The following SPG11 variants were observed in gnomAD, a reference collection of about 807,000 sequenced individuals.
SPG11 encodes the protein SPG11 vesicle trafficking associated, spatacsin, also known as spatacsin.
A neutral mutation model predicts 274.0 loss-of-function variants in SPG11; 222 were observed. That is an observed-to-expected ratio of 0.81 (90% CI 0.73 to 0.91). The LOEUF is 0.91. SPG11 is among the 40% of genes least tolerant of loss of function. SPG11 has a pLI of 0.00. For missense variants in SPG11, 3,114 were observed against 2,872.7 expected (o/e 1.08, Z -1.92); for synonymous variants, 1,144 against 1,039.7 (o/e 1.10, Z -1.93).
At chr15:44,607,594 T>C (rs996494835) in intron 19 of SPG11, among the ~76,000 whole-genome samples, 7 of 152,110 alleles carry the variant, frequency 4.6e-5, no homozygotes, top group African/African-American at 1.7e-4. Flanking sequence ...AAACCTTACG[T>C]TGAGTTGAAG....
Position 44,595,462 on chromosome 15 carries a change from G to C in SPG11, c.4435-3C>G. ...AGACAAGAAATGGCACTGGCACCCT[G>C]CCACGGGATAAATAAAATAACAACT... On this transcript the variant is annotated splice_polypyrimidine_tract_variant and splice_region_variant and intron_variant, in intron 25 of 39. Coordinates refer to ENST00000261866, the MANE Select transcript of SPG11 (RefSeq NM_025137.4). 6.2e-7 allele frequency: 1 copy of C among 1,613,924 alleles called. No individual in the cohort carries two copies. The highest frequency in any genetic ancestry group is 8.5e-7 in the Non-Finnish European group (1 of 1,179,850).
chr15:44,628,784 C>A lies in SPG11; in HGVS notation c.1952G>T (p.Arg651Leu). The A allele has an allele frequency of 6.2e-7, 1 of 1,613,588 alleles. No homozygotes were observed. The highest frequency in any genetic ancestry group is 8.5e-7 in the Non-Finnish European group (1 of 1,179,876). Residue 651 changes from arginine (R) to leucine (L), a missense_variant, in exon 10 of 40, where the codon CGA becomes CTA. Arg to Leu is a moderately radical substitution (Grantham distance 102). Transcript: ENST00000261866. ...NILTSYINEL[R>L]TFMIKFPWKL... ...CCAAGGAAACTTTATCATGAAGGTT[C>A]GAAGTTCATTAATGTAGCTAGTCAA...
chr15:44,588,165 A>G (rs990038068), intron 28 of SPG11, among the ~76,000 whole-genome samples: 1 of 152,202 alleles, frequency 6.6e-6, no homozygotes, highest in Non-Finnish European at 1.5e-5. Context: ...AGAATATAGT[A>G]TAAAAGAACA....
At chr15:44,571,414 G>T (rs2082420621) in intron 33 of SPG11, among the ~76,000 whole-genome samples, 1 of 152,036 alleles carries the variant, frequency 6.6e-6, no homozygotes, top group African/African-American at 2.4e-5. Flanking sequence ...TATAGTGTCT[G>T]GCACAAAGTT....
chr15:44,629,449 A>G (rs930262452), intron 8 of SPG11, 61 bp from the exon 9 acceptor site: 17 of 1,459,670 alleles, frequency 1.2e-5, no homozygotes, highest in African/African-American at 9.8e-5. Flanking sequence ...TAAAATTAAC[A>G]TATCAAAAAT....
intron 27 of SPG11, 145 bp from the exon 28 acceptor site, chr15:44,589,559 A>C: frequency 1.1e-6 from 1 of 946,052 alleles, no homozygotes; most frequent in Non-Finnish European, 1.6e-6. Context: ...TCCTTTCCAA[A>C]TGGCAGGAAC....
At chr15:44,621,513 C>T (rs2083750291) in intron 14 of SPG11, 1 of 459,950 alleles carries the variant, frequency 2.2e-6, no homozygotes, top group African/African-American at 2.0e-5. Flanking sequence ...CACTTTGAAG[C>T]TGGAATGAAA....
At chr15:44,645,458 A>C (rs1418877752) in intron 7 of SPG11, among the ~76,000 whole-genome samples, 1 of 152,222 alleles carries the variant, frequency 6.6e-6, no homozygotes, top group Non-Finnish European at 1.5e-5. Context: ...ACCACATACA[A>C]AAATCAACTC....
In SPG11 at chr15:44,595,833, T is replaced by C. The variant is rs148481979; in HGVS notation, c.4434+250A>G. Among the ~76,000 whole-genome samples the C allele has an allele frequency of 1.0e-3, 158 of 152,290 alleles. 1 individual carries two copies. The highest frequency in any genetic ancestry group is 3.6e-3 in the African/African-American group (150 of 41,560). On this transcript the variant is annotated intron_variant, in intron 25 of 39. Coordinates refer to ENST00000261866, the MANE Select transcript of SPG11 (RefSeq NM_025137.4). ...GGTGGTCAGTCCACCAAAGCGTCTT[T>C]CTCTGTGACTGCCAACCAGAAACCA...
intron 7 of SPG11, among the ~76,000 whole-genome samples, chr15:44,638,972 G>A (rs375299820): frequency 1.3e-5 from 2 of 151,522 alleles, no homozygotes; most frequent in East Asian, 1.9e-4. Context: ...CTCCAGCCTG[G>A]GTGACAGAGT....
At chr15:44,633,263 G>A (rs903695443) in intron 8 of SPG11, among the ~76,000 whole-genome samples, 4 of 139,346 alleles carry the variant, frequency 2.9e-5, no homozygotes, top group African/African-American at 1.1e-4. Context: ...TCCAGGAGGT[G>A]AGGCTGCAGT....
rs775454360 is a variant in SPG11, at chr15:44,563,313, A to C, written c.7152-12T>G. The C allele has an allele frequency of 6.2e-7, 1 of 1,608,604 alleles. No individual in the cohort carries two copies. Among genetic ancestry groups the C allele is most frequent in the Non-Finnish European group, 8.5e-7 (1 of 1,175,676 alleles). On this transcript the variant is annotated splice_polypyrimidine_tract_variant and intron_variant, in intron 39 of 39. Transcript: ENST00000261866. ...GATGTTGTTTATATCTAGATAAAGA[A>C]ACATAATGTACAGGTTAAGATACTG... is the stretch of plus-strand genomic sequence containing the variant.
chr15:44,629,778 G>A (rs951090043), intron 8 of SPG11, among the ~76,000 whole-genome samples: 2 of 152,158 alleles, frequency 1.3e-5, no homozygotes, highest in South Asian at 2.1e-4. Context: ...AATTTAGAAA[G>A]TAAGTGGCAG....
intron 26 of SPG11, among the ~76,000 whole-genome samples, 188 bp from the exon 27 acceptor site, chr15:44,592,626 C>G (rs1337392094): frequency 6.6e-6 from 1 of 152,070 alleles, no homozygotes; most frequent in Non-Finnish European, 1.5e-5. Flanking sequence ...CGAGACCACC[C>G]TGGCCAACAT....
intron 16 of SPG11, among the ~76,000 whole-genome samples, chr15:44,615,105 T>C (rs2083559843): frequency 6.6e-6 from 1 of 152,192 alleles, no homozygotes; most frequent in East Asian, 1.9e-4. Flanking sequence ...TTTCTTTCAT[T>C]GTATTCTAAA....
At chr15:44,634,481 C>A (rs1329154050) in intron 7 of SPG11, among the ~76,000 whole-genome samples, 1 of 150,564 alleles carries the variant, frequency 6.6e-6, no homozygotes. Flanking sequence ...ACGGGTTTCA[C>A]TGCGTTTGGC....
At chr15:44,652,636 A>G (rs994959608) in intron 4 of SPG11, among the ~76,000 whole-genome samples, 1 of 151,758 alleles carries the variant, frequency 6.6e-6, no homozygotes, top group Non-Finnish European at 1.5e-5. Context: ...GACTAATGTG[A>G]CTATCAAGTC....
intron 15 of SPG11, among the ~76,000 whole-genome samples, chr15:44,617,810 G>A (rs1295712722): frequency 6.6e-6 from 1 of 151,926 alleles, no homozygotes; most frequent in Non-Finnish European, 1.5e-5. Flanking sequence ...TGAGTAGCTG[G>A]GATTACAAGC....
chr15:44,563,155 G>C lies in SPG11; in HGVS notation c.7298C>G (p.Thr2433Arg). ...IVNVLLKDPQ[T>R]GCCLKDMLAG ...TAGCATGTCCTTTAGACAGCAACCT[G>C]TCTGAGGGTCCTTCAGAAGCACATT... Residue 2433 changes from threonine to arginine, a missense_variant, in exon 40 of 40, where the codon ACA becomes AGA. Physicochemically the swap from Thr to Arg is moderately conservative, Grantham distance 71. Coordinates refer to ENST00000261866, the MANE Select transcript of SPG11 (RefSeq NM_025137.4). The C allele has an allele frequency of 1.2e-6, 2 of 1,614,160 alleles. No homozygotes were observed. The highest frequency in any genetic ancestry group is 1.7e-6 in the Non-Finnish European group (2 of 1,180,026).
Sources: gnomAD v4.1 joint callset for allele counts (sites outside exome capture counted in the v4.1 genomes callset) on GRCh38, gnomAD v4.1.1 for gene constraint, MANE v1.5 for transcripts, NCBI Gene and HGNC (gene_info 2026-07-23, HGNC 2026-07-21) for gene names.